Variants in TNFSF13B observed in about 807,000 individuals in gnomAD.
The protein encoded by TNFSF13B is tumor necrosis factor ligand superfamily member 13B.
TNFSF13B carries 8 observed loss-of-function variants against 29.1 expected under a neutral mutation model. The ratio of observed to expected loss-of-function variants is 0.27; its 90% CI spans 0.16 to 0.50. The LOEUF is 0.50. TNFSF13B is among the 20% of genes least tolerant of loss of function. TNFSF13B has a pLI of 0.98. For missense variants in TNFSF13B, 248 were observed against 334.9 expected, an observed-to-expected ratio of 0.74 and a Z score of 2.03; for synonymous variants, 125 against 130.8, an observed-to-expected ratio of 0.96 and a Z score of 0.30.
chr13:108,270,490 C>G, intron 2 of TNFSF13B, 66 bp downstream of exon 2: 2 of 1,461,970 alleles, frequency 1.4e-6, no homozygotes, highest in Non-Finnish European at 1.9e-6. Context: ...TCTGGGGGAG[C>G]TGGAGGTGAG....
At chr13:108,289,180 T>A (rs1881231986) in intron 3 of TNFSF13B, among the ~76,000 whole-genome samples, 1 of 151,950 alleles carries the variant, frequency 6.6e-6, no homozygotes, top group South Asian at 2.1e-4. Context: ...CCCAAAATGC[T>A]ATAAATTGCA....
chr13:108,302,886 C>A (rs1392289735), intron 3 of TNFSF13B: 4 of 986,852 alleles, frequency 4.1e-6, no homozygotes, highest in Non-Finnish European at 4.8e-6. Context: ...AAAGGAAAAT[C>A]TCTACTAGTG....
At chr13:108,291,476 C>G (rs1187839315) in intron 3 of TNFSF13B, among the ~76,000 whole-genome samples, 1 of 151,458 alleles carries the variant, frequency 6.6e-6, no homozygotes, top group Admixed American at 6.6e-5. Context: ...AGTGTTTTAC[C>G]TTTTCAAATG....
chr13:108,290,813 A>C (rs1001965049), intron 3 of TNFSF13B, among the ~76,000 whole-genome samples: 5 of 151,986 alleles, frequency 3.3e-5, no homozygotes, highest in Non-Finnish European at 7.4e-5. Flanking sequence ...GGTTGTGATT[A>C]GAAAGACCTT....
intron 2 of TNFSF13B, among the ~76,000 whole-genome samples, chr13:108,284,400 CAAAA>C (rs1354060519): frequency 6.6e-6 from 1 of 151,784 alleles, no homozygotes; most frequent in Non-Finnish European, 1.5e-5. Flanking sequence ...TAAAAAAAGA[CAAAA>C]GAAATAGGAA....
chr13:108,290,343 A>G (rs1210092004), intron 3 of TNFSF13B, among the ~76,000 whole-genome samples: 1 of 152,098 alleles, frequency 6.6e-6, no homozygotes, highest in African/African-American at 2.4e-5. Context: ...TCGAAAAATA[A>G]TTGTGTGCAT....
intron 3 of TNFSF13B, among the ~76,000 whole-genome samples, chr13:108,289,490 A>G (rs1266241714): frequency 6.6e-6 from 1 of 151,312 alleles, no homozygotes; most frequent in African/African-American, 2.4e-5. Flanking sequence ...TTACTTGCAC[A>G]GGTCCATAAG....
At chr13:108,287,944 G>T (rs1881191882) in intron 3 of TNFSF13B, among the ~76,000 whole-genome samples, 1 of 152,128 alleles carries the variant, frequency 6.6e-6, no homozygotes. Context: ...AATGGTCCTT[G>T]AAATAAGAGT....
intron 3 of TNFSF13B, among the ~76,000 whole-genome samples, chr13:108,300,355 C>A (rs1881582602): frequency 6.6e-6 from 1 of 152,136 alleles, no homozygotes; most frequent in South Asian, 2.1e-4. Flanking sequence ...GGGAACCAAA[C>A]ATAAATGGCC....
At chr13:108,288,917 T>C (rs1881222141) in intron 3 of TNFSF13B, among the ~76,000 whole-genome samples, 1 of 152,152 alleles carries the variant, frequency 6.6e-6, no homozygotes, top group African/African-American at 2.4e-5. Context: ...CTGGTAATGA[T>C]TCCCTGGCAT....
chr13:108,272,238 G>T (rs1332170086), intron 2 of TNFSF13B, among the ~76,000 whole-genome samples: 6 of 151,928 alleles, frequency 3.9e-5, no homozygotes, highest in African/African-American at 1.4e-4. Flanking sequence ...GTCTCCACTT[G>T]TCTGTCCCAT....
chr13:108,279,740 A>G (rs1880878789), intron 2 of TNFSF13B, among the ~76,000 whole-genome samples: 1 of 152,222 alleles, frequency 6.6e-6, no homozygotes, highest in Non-Finnish European at 1.5e-5. Context: ...TTGGTAGGCT[A>G]ATGGAATTGT....
At chr13:108,285,233 C>T (rs1232161714) in intron 2 of TNFSF13B, among the ~76,000 whole-genome samples, 1 of 152,080 alleles carries the variant, frequency 6.6e-6, no homozygotes, top group Non-Finnish European at 1.5e-5. Flanking sequence ...AACAGATTTT[C>T]TTATGTGACC....
intron 2 of TNFSF13B, among the ~76,000 whole-genome samples, chr13:108,286,444 T>G (rs1050322934): frequency 2.0e-5 from 3 of 152,108 alleles, no homozygotes; most frequent in Non-Finnish European, 4.4e-5. Context: ...AACCAAAGAT[T>G]GTTTAGAATG....
At chr13:108,296,984 A>G (rs898142562) in intron 3 of TNFSF13B, among the ~76,000 whole-genome samples, 1 of 145,896 alleles carries the variant, frequency 6.9e-6, no homozygotes, top group Non-Finnish European at 1.5e-5. Context: ...GGAGAAGTTA[A>G]AAACTAAAAA....
chr13:108,293,213 T>C (rs551005277), intron 3 of TNFSF13B, among the ~76,000 whole-genome samples: 1 of 152,158 alleles, frequency 6.6e-6, no homozygotes, highest in African/African-American at 2.4e-5. Context: ...GGCACACTTG[T>C]TAAAAATCAG....
At chr13:108,292,711 G>C (rs1881355741) in intron 3 of TNFSF13B, among the ~76,000 whole-genome samples, 1 of 151,734 alleles carries the variant, frequency 6.6e-6, no homozygotes, top group South Asian at 2.1e-4. Flanking sequence ...TGTCCTTTTT[G>C]GTGTCTTCTT....
intron 2 of TNFSF13B, among the ~76,000 whole-genome samples, chr13:108,276,711 C>T (rs180859090): frequency 7.8e-4 from 118 of 152,220 alleles, no homozygotes; most frequent in Admixed American, 1.8e-3. Context: ...AGGCCAGGTT[C>T]ATTAAGCCTT....
chr13:108,301,680 G>A lies in TNFSF13B; in HGVS notation c.482-1573G>A, dbSNP rs368226920. 2.8e-4 allele frequency among the ~76,000 whole-genome samples: 42 copies of A among 152,206 alleles called. No individual in the cohort carries two copies. The South Asian group carries it at 7.5e-3, about 27-fold the overall frequency. On this transcript the variant is annotated intron_variant, in intron 3 of 5. Coordinates refer to ENST00000375887, the MANE Select transcript of TNFSF13B (RefSeq NM_006573.5). ...TGAAAAGACGTTGGTCAAAGATTACGAAATTTCAGTTAGACTGGAGGAATA... is the reference window on the plus strand; with the variant it reads ...TGAAAAGACGTTGGTCAAAGATTACAAAATTTCAGTTAGACTGGAGGAATA...
Sources: allele counts gnomAD v4.1 joint callset (sites outside exome capture counted in the v4.1 genomes callset), GRCh38; gene constraint gnomAD v4.1.1; transcripts MANE v1.5; gene names NCBI Gene and HGNC (gene_info 2026-07-23, HGNC 2026-07-21).